MYO10: variants seen among roughly 807,000 people sequenced by gnomAD.
MYO10 encodes the protein myosin X, also known as unconventional myosin-X.
Under a neutral mutation model 257.3 loss-of-function variants are expected in MYO10, and 133 were observed. That is an observed-to-expected ratio of 0.52 (90% CI 0.45 to 0.60). MYO10 has a LOEUF of 0.60. Among genes scored for constraint, MYO10 ranks in the 20% least tolerant of loss-of-function variants. MYO10 has a pLI of 0.00. For missense variants in MYO10, 2,399 were observed against 2,635.7 expected (o/e 0.91, Z 1.97); for synonymous variants, 1,104 against 1,028.6 (o/e 1.07, Z -1.40).
chr5:16,884,151 G>A (rs1744832826), intron 1 of MYO10, among the ~76,000 whole-genome samples: 1 of 152,210 alleles, frequency 6.6e-6, no homozygotes, highest in Non-Finnish European at 1.5e-5. Context: ...AGCACTCTGG[G>A]AGACCGAGGC....
chr5:16,741,232 C>A (rs150099293), intron 19 of MYO10, among the ~76,000 whole-genome samples: 3 of 152,068 alleles, frequency 2.0e-5, no homozygotes, highest in Non-Finnish European at 4.4e-5. Context: ...TTTTCCAGGC[C>A]GATTGCAAAA....
At chr5:16,796,442 C>CAGACAGAAAGAA (rs1553997257) in intron 3 of MYO10, among the ~76,000 whole-genome samples, 1 of 120,764 alleles carries the variant, frequency 8.3e-6, no homozygotes, top group African/African-American at 3.4e-5. Context: ...AAAAGAAAGA[C>CAGACAGAAAGAA]AGAAAGAAAG....
intron 19 of MYO10, among the ~76,000 whole-genome samples, chr5:16,718,281 C>T (rs910269854): frequency 6.6e-6 from 1 of 152,214 alleles, no homozygotes; most frequent in African/African-American, 2.4e-5. Context: ...TGACGAGCAC[C>T]GCCCCCTGCT....
At chr5:16,750,020 T>G (rs985783165) in intron 19 of MYO10, among the ~76,000 whole-genome samples, 6 of 152,114 alleles carry the variant, frequency 3.9e-5, no homozygotes, top group Non-Finnish European at 8.8e-5. Context: ...CTGGAGCACT[T>G]TTGGGTACCA....
chr5:16,792,140 G>A (rs62369315), intron 4 of MYO10, among the ~76,000 whole-genome samples: 1 of 94,734 alleles, frequency 1.1e-5, no homozygotes, highest in Non-Finnish European at 2.8e-5. Flanking sequence ...CACAGAGAGA[G>A]AGAGAGAGAG....
chr5:16,925,120 T>C (rs1165436406), intron 1 of MYO10, among the ~76,000 whole-genome samples: 3 of 151,932 alleles, frequency 2.0e-5, no homozygotes, highest in Admixed American at 6.6e-5. Context: ...CATGAGCCAC[T>C]GCACCCGGCC....
intron 4 of MYO10, among the ~76,000 whole-genome samples, chr5:16,791,447 T>C (rs17651023): frequency 0.11 from 16,228 of 152,134 alleles, 1,024 homozygotes; most frequent in South Asian, 0.27. Flanking sequence ...CACATCAGCA[T>C]TGCATAATTG....
chr5:16,922,213 CAAA>C (rs370180899), intron 1 of MYO10, among the ~76,000 whole-genome samples: 26 of 126,056 alleles, frequency 2.1e-4, no homozygotes, highest in Admixed American at 3.2e-4. Flanking sequence ...GACTCCGTCT[CAAA>C]AAAAAAAAAA....
intron 19 of MYO10, among the ~76,000 whole-genome samples, chr5:16,735,698 A>C (rs67624743): frequency 0.064 from 9,629 of 150,128 alleles, 705 homozygotes; most frequent in African/African-American, 0.16. Context: ...AAAAAAAAAA[A>C]AAAAACCCAA....
chr5:16,795,820 A>G (rs1741922136), intron 3 of MYO10, among the ~76,000 whole-genome samples: 1 of 152,108 alleles, frequency 6.6e-6, no homozygotes, highest in African/African-American at 2.4e-5. Flanking sequence ...TACACTTCAA[A>G]ATAGTCAAAA....
chr5:16,851,586 G>A (rs781463999), intron 2 of MYO10, among the ~76,000 whole-genome samples: 1 of 152,110 alleles, frequency 6.6e-6, no homozygotes, highest in Non-Finnish European at 1.5e-5. Flanking sequence ...TTAGTGCCCA[G>A]GTCATAATGT....
intron 39 of MYO10, among the ~76,000 whole-genome samples, chr5:16,669,301 C>A (rs958694178): frequency 6.6e-6 from 1 of 152,052 alleles, no homozygotes; most frequent in Non-Finnish European, 1.5e-5. Flanking sequence ...GCAACCTCCA[C>A]CTCCTGAGTT....
At chr5:16,800,152 T>A (rs1172063491) in intron 3 of MYO10, among the ~76,000 whole-genome samples, 1 of 152,152 alleles carries the variant, frequency 6.6e-6, no homozygotes, top group Non-Finnish European at 1.5e-5. Context: ...CCTACAATAA[T>A]ATTGATCTTT....
intron 1 of MYO10, among the ~76,000 whole-genome samples, chr5:16,928,603 T>C (rs141412881): frequency 6.6e-6 from 1 of 152,122 alleles, no homozygotes; most frequent in Non-Finnish European, 1.5e-5. Context: ...CCCAGCACTT[T>C]GGGAGGCTGT....
intron 21 of MYO10, among the ~76,000 whole-genome samples, chr5:16,706,707 C>T (rs979897827): frequency 2.6e-5 from 4 of 152,186 alleles, no homozygotes; most frequent in Non-Finnish European, 4.4e-5. Flanking sequence ...TGGTTAGAAT[C>T]AGAATCAGAC....
intron 1 of MYO10, among the ~76,000 whole-genome samples, chr5:16,893,940 C>G (rs1204929596): frequency 6.6e-6 from 1 of 152,118 alleles, no homozygotes; most frequent in African/African-American, 2.4e-5. Context: ...GAGTGTGTGA[C>G]AAGCCAGCCA....
intron 1 of MYO10, among the ~76,000 whole-genome samples, chr5:16,894,547 G>C (rs957804819): frequency 6.6e-6 from 1 of 152,184 alleles, no homozygotes; most frequent in East Asian, 1.9e-4. Flanking sequence ...GGATTAAAGA[G>C]GCTAACTCTG....
intron 1 of MYO10, among the ~76,000 whole-genome samples, chr5:16,906,136 C>CT (rs1176108553): frequency 1.3e-5 from 2 of 152,168 alleles, no homozygotes; most frequent in Admixed American, 1.3e-4. Context: ...CCTGGCAGGA[C>CT]GGCTGCTATC....
At chr5:16,865,146 T>C (rs1255756532) in intron 2 of MYO10, among the ~76,000 whole-genome samples, 1 of 151,466 alleles carries the variant, frequency 6.6e-6, no homozygotes, top group East Asian at 2.0e-4. Flanking sequence ...TGGAGCACTA[T>C]TAAAGTTTCA....
Sources: allele counts gnomAD v4.1 joint callset (sites outside exome capture counted in the v4.1 genomes callset), GRCh38; gene constraint gnomAD v4.1.1; transcripts MANE v1.5; gene names NCBI Gene and HGNC (gene_info 2026-07-23, HGNC 2026-07-21).